The following ARHGAP32 variants were observed in gnomAD, a reference collection of about 807,000 sequenced individuals.
ARHGAP32 encodes the protein Rho GTPase activating protein 32.
ARHGAP32 carries 51 observed loss-of-function variants against 186.5 expected under a neutral mutation model. The observed-to-expected ratio is 0.27, with a 90% CI of 0.22 to 0.35. The LOEUF (loss-of-function observed/expected upper bound fraction) is 0.35, where lower values mean the gene tolerates loss of function less well. ARHGAP32 is among the 10% of genes least tolerant of loss of function. ARHGAP32 has a pLI of 1.00. For missense variants in ARHGAP32, 2,186 were observed against 2,623.5 expected, an observed-to-expected ratio of 0.83 and a Z score of 3.64; for synonymous variants, 950 against 964.3, an observed-to-expected ratio of 0.99 and a Z score of 0.27.
At chr11:129,059,349 T>C (rs1401345102) in intron 10 of ARHGAP32, among the ~76,000 whole-genome samples, 2 of 152,204 alleles carry the variant, frequency 1.3e-5, no homozygotes, top group African/African-American at 4.8e-5. Flanking sequence ...TACTGAGCTA[T>C]ACTTTGCAGG....
At chr11:129,021,309 T>C (rs1213939082) in intron 11 of ARHGAP32, among the ~76,000 whole-genome samples, 1 of 151,928 alleles carries the variant, frequency 6.6e-6, no homozygotes, top group Non-Finnish European at 1.5e-5. Flanking sequence ...GAGCAGAAAA[T>C]GGGCCACAAA....
chr11:128,989,602 G>A (rs1347599306), intron 12 of ARHGAP32, among the ~76,000 whole-genome samples: 1 of 151,136 alleles, frequency 6.6e-6, no homozygotes, highest in Non-Finnish European at 1.5e-5. Context: ...GGGTACATGT[G>A]CAGAATGTGC....
intron 9 of ARHGAP32, 84 bp downstream of exon 9, chr11:129,063,818 T>C: frequency 5.1e-6 from 7 of 1,385,350 alleles, no homozygotes; most frequent in Non-Finnish European, 5.7e-6. Context: ...TTTTTAAAAA[T>C]TAAGGAAATG....
chr11:129,220,887 G>A (rs1224318542), intron 1 of ARHGAP32, among the ~76,000 whole-genome samples: 3 of 152,116 alleles, frequency 2.0e-5, no homozygotes, highest in Non-Finnish European at 4.4e-5. Context: ...CAGTTCTGAA[G>A]TCTAACTACA....
chr11:128,998,541 T>C, intron 11 of ARHGAP32, 73 bp from the exon 12 acceptor site: 1 of 1,194,304 alleles, frequency 8.4e-7, no homozygotes, highest in African/African-American at 1.5e-5. Context: ...AAAACAAACA[T>C]ATCTCAAGAG....
At chr11:129,203,718 CA>C (rs375747287) in intron 1 of ARHGAP32, among the ~76,000 whole-genome samples, 63 of 81,598 alleles carry the variant, frequency 7.7e-4, no homozygotes, top group South Asian at 1.9e-3. Flanking sequence ...CTTGTCTCTA[CA>C]AAAAAAAAAA....
chr11:129,040,303 CT>C (rs1227836147), intron 11 of ARHGAP32, among the ~76,000 whole-genome samples: 1 of 152,052 alleles, frequency 6.6e-6, no homozygotes, highest in African/African-American at 2.4e-5. Flanking sequence ...TCCCTCTTCT[CT>C]CCAAAGCTTT....
chr11:129,193,658 AATATATATT>A (rs1944337630), upstream of ARHGAP32, among the ~76,000 whole-genome samples: 3 of 66,490 alleles, frequency 4.5e-5, no homozygotes. Flanking sequence ...ATACATATAC[AATATATATT>A]ATATATAATA....
intron 2 of ARHGAP32, among the ~76,000 whole-genome samples, chr11:129,136,615 TAAATC>T (rs1195780179): frequency 2.0e-5 from 3 of 152,114 alleles, no homozygotes; most frequent in Non-Finnish European, 2.9e-5. Context: ...AATAGAATAA[TAAATC>T]AAATCTATCA....
chr11:129,255,567 C>T (rs903566874), intron 1 of ARHGAP32, among the ~76,000 whole-genome samples: 1 of 151,984 alleles, frequency 6.6e-6, no homozygotes, highest in Non-Finnish European at 1.5e-5. Context: ...CCTCAAAAGA[C>T]ACTTAAAGAA....
At chr11:129,007,569 A>G (rs1477971166) in intron 11 of ARHGAP32, among the ~76,000 whole-genome samples, 1 of 151,810 alleles carries the variant, frequency 6.6e-6, no homozygotes, top group African/African-American at 2.4e-5. Context: ...CTTTCCTACC[A>G]TGGCTGAGCT....
upstream of ARHGAP32, among the ~76,000 whole-genome samples, chr11:129,195,459 T>C (rs1026347638): frequency 5.3e-5 from 8 of 152,232 alleles, no homozygotes; most frequent in Admixed American, 3.3e-4. Context: ...AGGCTTGTTC[T>C]GTTTTGACTC....
chr11:128,996,458 CTTCATGT>C (rs1400216035), intron 12 of ARHGAP32, among the ~76,000 whole-genome samples: 3 of 152,042 alleles, frequency 2.0e-5, no homozygotes. Context: ...TAAGTCATCT[CTTCATGT>C]TTTTTGTTTA....
At chr11:129,181,563 A>T (rs957172358) in intron 1 of ARHGAP32, among the ~76,000 whole-genome samples, 1 of 152,180 alleles carries the variant, frequency 6.6e-6, no homozygotes, top group Non-Finnish European at 1.5e-5. Flanking sequence ...CTTAAAATAC[A>T]GGAACTCTGT....
chr11:129,182,895 A>G (rs187589588), intron 1 of ARHGAP32, among the ~76,000 whole-genome samples: 4 of 152,108 alleles, frequency 2.6e-5, no homozygotes, highest in Admixed American at 2.6e-4. Context: ...GGATCCTGCC[A>G]CTTTAGCCTC....
chr11:129,075,280 A>C (rs925711368), intron 6 of ARHGAP32, among the ~76,000 whole-genome samples: 4 of 152,212 alleles, frequency 2.6e-5, no homozygotes, highest in African/African-American at 9.7e-5. Flanking sequence ...AAGATAGATT[A>C]AAATAAAATG....
intron 1 of ARHGAP32, among the ~76,000 whole-genome samples, chr11:129,206,640 G>A (rs1187883768): frequency 6.6e-6 from 1 of 151,954 alleles, no homozygotes; most frequent in East Asian, 1.9e-4. Flanking sequence ...TATCATATAT[G>A]GTTGAAGAAA....
intron 18 of ARHGAP32, among the ~76,000 whole-genome samples, chr11:128,979,645 G>A (rs1945653494): frequency 6.6e-6 from 1 of 152,166 alleles, no homozygotes; most frequent in Non-Finnish European, 1.5e-5. Flanking sequence ...GTAAGAGTAT[G>A]TTCCAACTTT....
At chr11:129,015,730 G>A (rs186240960) in intron 11 of ARHGAP32, among the ~76,000 whole-genome samples, 20 of 152,210 alleles carry the variant, frequency 1.3e-4, no homozygotes, top group African/African-American at 4.3e-4. Flanking sequence ...ATTTATCCAC[G>A]GCACTTGTGG....
Sources: allele counts gnomAD v4.1 joint callset (sites outside exome capture counted in the v4.1 genomes callset), GRCh38; gene constraint gnomAD v4.1.1; transcripts MANE v1.5; gene names NCBI Gene and HGNC (gene_info 2026-07-23, HGNC 2026-07-21).